ATP1A3: variants seen among roughly 807,000 people sequenced by gnomAD.
ATP1A3 encodes the protein sodium/potassium-transporting ATPase subunit alpha-3.
ATP1A3 carries 12 observed loss-of-function variants against 108.8 expected under a neutral mutation model. That is an observed-to-expected ratio of 0.11 (90% CI 0.07 to 0.18). The LOEUF (loss-of-function observed/expected upper bound fraction) is 0.18. ATP1A3 is among the 10% of genes least tolerant of loss of function. ATP1A3 has a pLI of 1.00. For synonymous variants in ATP1A3, 539 were observed against 564.5 expected, an observed-to-expected ratio of 0.95 and a Z score of 0.64; for missense variants, 498 against 1,387.7, an observed-to-expected ratio of 0.36 and a Z score of 10.19.
rs564715163 is a variant in ATP1A3, at chr19:41,987,872, T to C, written c.357+64A>G. On this transcript the variant is annotated intron_variant, in intron 4 of 22. Transcript: ENST00000648268. ...AAAAGCTTAGAGGGATGGGAAGAAGTTGGGGTGCGGTGTCCGTAAATAAAT... is the reference window on the plus strand; with the variant it reads ...AAAAGCTTAGAGGGATGGGAAGAAGCTGGGGTGCGGTGTCCGTAAATAAAT... The C allele has an allele frequency of 1.4e-5, 22 of 1,576,786 alleles. No individual in the cohort carries two copies. In the East Asian group the frequency reaches 3.8e-4, roughly 27 times the overall value.
At position 41,967,514 on chromosome 19, in the gene ATP1A3, C is replaced by A; in HGVS notation, c.2921+148G>T. 1 of 1,138,998 alleles carries A rather than the reference C, an allele frequency of 8.8e-7. No individual in the cohort carries two copies. Among genetic ancestry groups the A allele is most frequent in the Non-Finnish European group, 1.3e-6 (1 of 799,122 alleles). The allele number at this position is 1,138,998 out of a possible 1,614,324, so 70.6% of individuals were successfully genotyped here. The stretch of plus-strand genomic sequence containing the variant: ...TCTTCGGAGTAATCCGTGGTGGGAG[C>A]AGCCTATGGGGGAGGCTCGGGGGCA... On this transcript the variant is annotated intron_variant, in intron 21 of 22. Coordinates refer to ENST00000648268, the MANE Select transcript of ATP1A3 (RefSeq NM_152296.5). The surrounding 1 kb of genome is among the most constrained non-coding windows in gnomAD (Gnocchi z 4.2).
chr19:41,991,909 T>TG (rs574770000), intron 1 of ATP1A3, among the ~76,000 whole-genome samples: 80 of 43,014 alleles, frequency 1.9e-3, no homozygotes, highest in African/African-American at 7.7e-3. Flanking sequence ...GAGGAGGGGC[T>TG]GGGCCTGGAC....
chr19:41,986,759 T>A, intron 4 of ATP1A3: 1 of 163,748 alleles, frequency 6.1e-6, no homozygotes, highest in South Asian at 1.6e-4. Context: ...TTTTTTTTTT[T>A]TGAGACAGGG....
rs1156975932 is a variant in ATP1A3, at chr19:41,967,313, G to T, written c.2949C>A (p.Pro983=). 1 of 1,611,288 alleles carries T rather than the reference G, an allele frequency of 6.2e-7. No homozygotes were observed. The highest frequency in any genetic ancestry group is 1.3e-5 in the African/African-American group (1 of 74,928). ...CGTAGACGAAGATGAGGAAACTGTA[G>T]GGGAAGGCACAGAACCACCAGCTGG... The part of the protein sequence containing the change: ...LKPSWWFCAF[P]YSFLIFVYDE... The change falls in exon 22 of 23, where the codon CCC becomes CCA. Residue 983 remains proline (P), a synonymous_variant. Transcript: ENST00000648268. This position sits in a 1 kb window ranked among gnomAD's most constrained non-coding sequence, Gnocchi z 4.2.
At chr19:41,977,785 C>T in intron 14 of ATP1A3, 151 bp downstream of exon 14, 1 of 1,171,016 alleles carries the variant, frequency 8.5e-7, no homozygotes, top group Non-Finnish European at 1.2e-6. Flanking sequence ...TGTCCCCACA[C>T]CGGAGGGAGG....
intron 1 of ATP1A3, chr19:41,993,559 C>T: frequency 8.0e-7 from 1 of 1,254,468 alleles, no homozygotes; most frequent in Non-Finnish European, 1.1e-6. Context: ...ACTGCGGAGT[C>T]CCCCCATCCA....
chr19:41,967,038 C>T lies in ATP1A3; in HGVS notation c.3014-73G>A. 1.0e-5 allele frequency: 16 copies of T among 1,551,380 alleles called. No homozygotes were observed. The highest frequency in any genetic ancestry group is 1.4e-5 in the Non-Finnish European group (16 of 1,146,920). On this transcript the variant is annotated intron_variant, in intron 22 of 22. Coordinates refer to ENST00000648268, the MANE Select transcript of ATP1A3 (RefSeq NM_152296.5). The surrounding 1 kb of genome is among the most constrained non-coding windows in gnomAD (Gnocchi z 4.2). ...GAGACAGGCAAGGCGAGCCGCCCAG[C>T]AGAGAGAGGGACAGAGAGGGAGAGA...
chr19:41,993,043 A>AG, intron 1 of ATP1A3: 1 of 16,882 alleles, frequency 5.9e-5, no homozygotes, highest in South Asian at 1.4e-3. Context: ...CTGCAGCCCC[A>AG]TCCCCCACCT....
At chr19:41,969,348 C>T (rs2075077075) in intron 19 of ATP1A3, 87 bp downstream of exon 19, 5 of 1,599,960 alleles carry the variant, frequency 3.1e-6, no homozygotes, top group Non-Finnish European at 4.3e-6. Context: ...CTGAGGGGGC[C>T]ATCGTAGGAA....
Position 41,985,785 on chromosome 19 carries a change from G to A in ATP1A3, c.606+79C>T, listed in dbSNP as rs2075281248. 6.3e-7 allele frequency: 1 copy of A among 1,590,730 alleles called. No homozygotes were observed. The highest frequency in any genetic ancestry group is 8.5e-7 in the Non-Finnish European group (1 of 1,169,728). ...GAGGGGTTGGGACCTGGACTCCTGA[G>A]TGTGAGGGAGGAGGGGCTGGGCCTG... On this transcript the variant is annotated intron_variant, in intron 6 of 22. Coordinates refer to ENST00000648268, the MANE Select transcript of ATP1A3 (RefSeq NM_152296.5). The surrounding 1 kb of genome is among the most constrained non-coding windows in gnomAD (Gnocchi z 8.2).
intron 11 of ATP1A3, among the ~76,000 whole-genome samples, chr19:41,979,386 C>T (rs2075206698): frequency 6.6e-6 from 1 of 152,044 alleles, no homozygotes; most frequent in South Asian, 2.1e-4. Flanking sequence ...GAGATCACAG[C>T]TCACTGCAGC....
At chr19:41,986,722 G>A (rs532624812) in intron 4 of ATP1A3, 1 of 163,094 alleles carries the variant, frequency 6.1e-6, no homozygotes, top group African/African-American at 2.5e-5. Flanking sequence ...TTACAGGTGT[G>A]AGCCATCTTT....
rs563551972 is a variant in ATP1A3, at chr19:41,991,870, G to A, written c.6+2201C>T. ...TGGACTCCTGGGTCTGAGGGAGGAG[G>A]GGCTGGGGCTGGACCCTTGGGTCTG... On this transcript the variant is annotated intron_variant, in intron 1 of 22. Transcript: ENST00000648268. Among the ~76,000 whole-genome samples, 403 of 150,948 alleles carry A rather than the reference G, an allele frequency of 2.7e-3. 3 individuals are homozygous for A. The highest frequency in any genetic ancestry group is 9.4e-3 in the African/African-American group (383 of 40,932).
At chr19:41,983,329 C>G (rs182608645) in intron 8 of ATP1A3, among the ~76,000 whole-genome samples, 1 of 151,880 alleles carries the variant, frequency 6.6e-6, no homozygotes, top group African/African-American at 2.4e-5. Context: ...CCACCCACCT[C>G]GGATTCCCAA....
chr19:41,990,432 CCTCTCTCTGTCT>C (rs1339803350), intron 1 of ATP1A3, among the ~76,000 whole-genome samples: 1 of 118,366 alleles, frequency 8.4e-6, no homozygotes, highest in South Asian at 3.3e-4. Context: ...TCTCTCTCTC[CCTCTCTCTGTCT>C]CTCTCAAATC....
rs571857150 is a variant in ATP1A3, at chr19:41,966,622, C to A, written c.*315G>T. ...GATATATTTGATAATTGTCCAGAAC[C>A]AGAGATGGCATCAGCCGGGGGGCTG... On this transcript the variant is annotated 3_prime_UTR_variant, in exon 23 of 23. Transcript: ENST00000648268. 1 of 1,473,320 alleles carries A rather than the reference C, an allele frequency of 6.8e-7. No individual in the cohort carries two copies. Among genetic ancestry groups the A allele is most frequent in the African/African-American group, 1.4e-5 (1 of 71,436 alleles). The allele number at this position is 1,473,320 out of a possible 1,614,324, so 91.3% of individuals were successfully genotyped here.
In ATP1A3 at chr19:41,988,321, C is replaced by T; in HGVS notation, c.150G>A (p.Val50=). 6.2e-7 allele frequency: 1 copy of T among 1,614,152 alleles called. No homozygotes were observed. Among genetic ancestry groups the T allele is most frequent in the South Asian group, 1.1e-5 (1 of 91,092 alleles). The change falls in exon 3 of 23, where the codon GTG becomes GTA. Residue 50 remains valine (V), a synonymous_variant. Transcript: ENST00000648268. The surrounding 1 kb of genome is among the most constrained non-coding windows in gnomAD (Gnocchi z 5.3). ...CCAGCCCACAGCCTGGCCACACCTG[C>T]ACACAGTCTGTGTTGTATTTCCGGC... The part of the protein sequence containing the change: ...EVCRKYNTDC[V]QGLTHSKAQE...
rs186237301 is a variant in ATP1A3, at chr19:41,970,775, G to A, written c.2264-233C>T. ...GCCTCCCGAGTAGCTGGCACTACAG[G>A]CACCTGCCACCACGCCCGGCTAATT... On this transcript the variant is annotated intron_variant, in intron 16 of 22. Transcript: ENST00000648268. Among the ~76,000 whole-genome samples the A allele has an allele frequency of 3.9e-3, 594 of 150,678 alleles. 18 individuals are homozygous for A. The highest frequency in any genetic ancestry group is 0.036 in the Admixed American group (539 of 15,114).
rs1027709456 is a variant in ATP1A3, at chr19:41,988,922, C to T, written c.7-360G>A. ...GTGCCCATCTTTGCGGGGCTCTCCC[C>T]TTTTGTGTTCTGTGTCTATGTGACT... On this transcript the variant is annotated intron_variant, in intron 1 of 22. Transcript: ENST00000648268. This position sits in a 1 kb window ranked among gnomAD's most constrained non-coding sequence, Gnocchi z 5.3. 4.6e-5 allele frequency among the ~76,000 whole-genome samples: 7 copies of T among 152,148 alleles called. No individual in the cohort carries two copies. Among genetic ancestry groups the T allele is most frequent in the Non-Finnish European group, 1.0e-4 (7 of 68,032 alleles).
Sources: gnomAD v4.1 joint callset for allele counts (sites outside exome capture counted in the v4.1 genomes callset) on GRCh38, gnomAD v4.1.1 for gene constraint, Gnocchi (gnomAD v3.1) non-coding constraint, MANE v1.5 for transcripts, NCBI Gene and HGNC (gene_info 2026-07-23, HGNC 2026-07-21) for gene names.